The following CDH18 variants were observed in gnomAD, a reference collection of about 807,000 sequenced individuals.
CDH18 encodes cadherin-18.
A neutral mutation model predicts 67.9 loss-of-function variants in CDH18; 31 were observed. That is an observed-to-expected ratio of 0.46 (90% CI 0.34 to 0.62). CDH18 has a LOEUF of 0.62. CDH18 is among the 20% of genes least tolerant of loss of function. The probability of loss-of-function intolerance (pLI) is 0.01; values close to 1 mark genes in which losing one functional copy is unlikely to be tolerated. For synonymous variants in CDH18, 362 were observed against 347.2 expected (o/e 1.04, Z -0.48); for missense variants, 890 against 975.5 (o/e 0.91, Z 1.17).
intron 2 of CDH18, among the ~76,000 whole-genome samples, chr5:20,205,978 G>T (rs956586639): frequency 2.0e-5 from 3 of 151,468 alleles, no homozygotes; most frequent in African/African-American, 7.3e-5. Flanking sequence ...ATTAATACAG[G>T]GGATGAAATA....
Position 19,752,332 on chromosome 5 carries a change from T to C in CDH18, c.229-5096A>G, listed in dbSNP as rs1474620316. 2.6e-5 allele frequency among the ~76,000 whole-genome samples: 4 copies of C among 152,192 alleles called. No homozygotes were observed. The South Asian group carries it at 6.2e-4, about 24-fold the overall frequency. ...TTGCCTGGAAACAGACTAGATGCTA[T>C]GATGGGGCCATGGTAGGAGTGAGAC... On this transcript the variant is annotated intron_variant, in intron 3 of 12. Transcript: ENST00000382275.
chr5:20,492,921 GAC>G (rs1753675080), intron 1 of CDH18, among the ~76,000 whole-genome samples: 1 of 152,108 alleles, frequency 6.6e-6, no homozygotes, highest in African/African-American at 2.4e-5. Flanking sequence ...GATATTTAAT[GAC>G]AGTCCCTAAG....
chr5:19,855,540 C>T (rs1784191103), intron 2 of CDH18, among the ~76,000 whole-genome samples: 1 of 151,808 alleles, frequency 6.6e-6, no homozygotes, highest in Non-Finnish European at 1.5e-5. Context: ...AAAAAATCAA[C>T]AAATTTGGAA....
chr5:19,750,672 A>C (rs533291892), intron 3 of CDH18, among the ~76,000 whole-genome samples: 1 of 152,178 alleles, frequency 6.6e-6, no homozygotes, highest in South Asian at 2.1e-4. Context: ...CCACTATACT[A>C]CTAAGAGAGA....
chr5:20,431,468 T>A (rs1342211055), intron 1 of CDH18, among the ~76,000 whole-genome samples: 16 of 128,778 alleles, frequency 1.2e-4, no homozygotes, highest in African/African-American at 4.9e-4. Flanking sequence ...CACTCCAGCC[T>A]GGGTGACAGA....
At chr5:19,523,399 A>C (rs900059100) in intron 9 of CDH18, among the ~76,000 whole-genome samples, 6 of 152,150 alleles carry the variant, frequency 3.9e-5, no homozygotes, top group African/African-American at 4.8e-5. Context: ...GAGGAAAAAA[A>C]TTACAATTTG....
At chr5:20,419,372 G>A (rs1045912499) in intron 1 of CDH18, among the ~76,000 whole-genome samples, 1 of 151,172 alleles carries the variant, frequency 6.6e-6, no homozygotes. Context: ...CTGGCTCCAC[G>A]GGTTCTCTGA....
intron 2 of CDH18, among the ~76,000 whole-genome samples, chr5:20,226,165 C>T (rs1191711827): frequency 6.6e-6 from 1 of 152,000 alleles, no homozygotes; most frequent in Non-Finnish European, 1.5e-5. Context: ...GCAAGATCTA[C>T]TTGTACATAC....
intron 8 of CDH18, among the ~76,000 whole-genome samples, chr5:19,554,897 G>A (rs1041334523): frequency 6.6e-6 from 1 of 151,872 alleles, no homozygotes; most frequent in African/African-American, 2.4e-5. Flanking sequence ...AATCTAAGGG[G>A]GAAAAAAAGC....
At chr5:20,345,678 A>G (rs1433100837) in intron 1 of CDH18, among the ~76,000 whole-genome samples, 1 of 152,150 alleles carries the variant, frequency 6.6e-6, no homozygotes, top group Non-Finnish European at 1.5e-5. Flanking sequence ...ACAAAAGGTC[A>G]GAATCTTAGT....
At chr5:19,592,120 A>G (rs1745244431) in intron 6 of CDH18, among the ~76,000 whole-genome samples, 1 of 152,054 alleles carries the variant, frequency 6.6e-6, no homozygotes, top group Non-Finnish European at 1.5e-5. Context: ...TACTAGAAGA[A>G]GAATTAATGA....
Position 19,591,044 on chromosome 5 carries a change from A to G in CDH18, c.999+13T>C, listed in dbSNP as rs761895519. The G allele has an allele frequency of 6.5e-7, 1 of 1,526,972 alleles. No homozygotes were observed. Among genetic ancestry groups the G allele is most frequent in the South Asian group, 1.3e-5 (1 of 79,636 alleles). 94.6% of individuals were successfully genotyped at this position (1,526,972 alleles called of 1,614,324 possible). A position where few individuals can be genotyped will look rare whatever the true frequency, so the allele number is the denominator to read the frequency against. ...GTGAGTTGCCTGAATCACAAAAAGT[A>G]TGTTCTTTTTACCTTCTTTAAAGAA... On this transcript the variant is annotated intron_variant, in intron 7 of 12. Coordinates refer to ENST00000382275, the MANE Select transcript of CDH18 (RefSeq NM_004934.5).
chr5:20,030,644 T>C (rs761489679), intron 2 of CDH18, among the ~76,000 whole-genome samples: 27 of 152,070 alleles, frequency 1.8e-4, no homozygotes, highest in Non-Finnish European at 3.5e-4. Flanking sequence ...TTAATACATA[T>C]CAGTTAAGGA....
chr5:20,538,923 T>TTTTTTTTTTC (rs1581169982), intron 1 of CDH18, among the ~76,000 whole-genome samples: 1 of 148,144 alleles, frequency 6.8e-6, no homozygotes, highest in Non-Finnish European at 1.5e-5. Context: ...TTTTTTTTTT[T>TTTTTTTTTTC]TGTCGCCCAG....
At chr5:19,639,133 G>T (rs1753673066) in intron 5 of CDH18, among the ~76,000 whole-genome samples, 1 of 151,962 alleles carries the variant, frequency 6.6e-6, no homozygotes, top group African/African-American at 2.4e-5. Flanking sequence ...TTCCCTAGCA[G>T]CTGGGACTAC....
intron 3 of CDH18, among the ~76,000 whole-genome samples, chr5:19,781,521 T>C (rs1775109612): frequency 1.3e-5 from 2 of 152,150 alleles, no homozygotes; most frequent in Admixed American, 1.3e-4. Flanking sequence ...CCAGGCACTA[T>C]GTAAGAGTTA....
intron 1 of CDH18, among the ~76,000 whole-genome samples, chr5:20,510,525 C>T (rs1297124120): frequency 3.9e-5 from 6 of 151,910 alleles, no homozygotes; most frequent in Non-Finnish European, 8.8e-5. Flanking sequence ...TTCTTTGATG[C>T]GATTGAAAAT....
intron 1 of CDH18, among the ~76,000 whole-genome samples, chr5:20,457,831 T>G (rs1750952176): frequency 1.3e-5 from 2 of 152,112 alleles, no homozygotes; most frequent in Non-Finnish European, 2.9e-5. Flanking sequence ...CTTTAAGACA[T>G]GTAGACATTA....
At chr5:20,096,494 TA>T (rs1400566276) in intron 2 of CDH18, among the ~76,000 whole-genome samples, 1 of 152,068 alleles carries the variant, frequency 6.6e-6, no homozygotes, top group Non-Finnish European at 1.5e-5. Context: ...TGTGAAAATA[TA>T]AATGAATTTT....
Sources: allele counts gnomAD v4.1 joint callset (sites outside exome capture counted in the v4.1 genomes callset), GRCh38; gene constraint gnomAD v4.1.1; transcripts MANE v1.5; gene names NCBI Gene and HGNC (gene_info 2026-07-23, HGNC 2026-07-21).